The following SPOCK3 variants were observed in gnomAD, a reference collection of about 807,000 sequenced individuals.
The protein encoded by SPOCK3 is testican-3.
Under a neutral mutation model 56.6 loss-of-function variants are expected in SPOCK3, and 30 were observed. The observed-to-expected ratio is 0.53, with a 90% CI of 0.40 to 0.72. SPOCK3 has a LOEUF of 0.72. SPOCK3 is among the 30% of genes least tolerant of loss of function. The pLI, the probability that SPOCK3 is intolerant of heterozygous loss-of-function variation, is 0.00. For missense variants in SPOCK3, 527 were observed against 530.0 expected (o/e 0.99, Z 0.06); for synonymous variants, 196 against 183.3 (o/e 1.07, Z -0.56).
At chr4:166,988,647 G>T (rs1747432211) in intron 4 of SPOCK3, among the ~76,000 whole-genome samples, 1 of 152,038 alleles carries the variant, frequency 6.6e-6, no homozygotes, top group African/African-American at 2.4e-5. Context: ...ACTAATAATA[G>T]AATTCATAGG....
intron 2 of SPOCK3, among the ~76,000 whole-genome samples, chr4:167,207,679 C>A (rs1405103015): frequency 6.6e-6 from 1 of 151,978 alleles, no homozygotes; most frequent in African/African-American, 2.4e-5. Flanking sequence ...ATAGTTAATA[C>A]AAATGTAAAC....
intron 6 of SPOCK3, among the ~76,000 whole-genome samples, chr4:166,866,157 C>T (rs111321331): frequency 6.6e-6 from 1 of 152,032 alleles, no homozygotes; most frequent in Non-Finnish European, 1.5e-5. Flanking sequence ...CTTCAATAAA[C>T]CCTACAAAAA....
At chr4:167,137,720 G>A (rs1763235560) in intron 2 of SPOCK3, among the ~76,000 whole-genome samples, 1 of 151,728 alleles carries the variant, frequency 6.6e-6, no homozygotes, top group African/African-American at 2.4e-5. Flanking sequence ...AAAAAGGACA[G>A]GAGATAAAAG....
chr4:167,042,080 A>G, intron 3 of SPOCK3, among the ~76,000 whole-genome samples: 1 of 152,140 alleles, frequency 6.6e-6, no homozygotes, highest in East Asian at 1.9e-4. Flanking sequence ...AGATATATCA[A>G]GTGTAGCAAT....
At chr4:166,751,265 A>G (rs1736344582) in intron 8 of SPOCK3, among the ~76,000 whole-genome samples, 1 of 152,172 alleles carries the variant, frequency 6.6e-6, no homozygotes, top group Non-Finnish European at 1.5e-5. Flanking sequence ...CCCATGCACT[A>G]CACTTTGACA....
chr4:166,876,304 G>A (rs1443107883), intron 6 of SPOCK3, among the ~76,000 whole-genome samples: 1 of 152,070 alleles, frequency 6.6e-6, no homozygotes, highest in Non-Finnish European at 1.5e-5. Flanking sequence ...TGTGACTGGT[G>A]TTTTCTTACA....
At chr4:167,076,935 C>T (rs1202458953) in intron 2 of SPOCK3, among the ~76,000 whole-genome samples, 3 of 151,792 alleles carry the variant, frequency 2.0e-5, no homozygotes, top group Admixed American at 6.6e-5. Flanking sequence ...TATACGTTTA[C>T]TATAATTCAG....
chr4:167,234,833 A>G (rs561291400), upstream of SPOCK3: 1 of 152,862 alleles, frequency 6.5e-6, no homozygotes, highest in East Asian at 1.9e-4. Flanking sequence ...CATGTTCGCG[A>G]GACAGCCTGC....
chr4:167,173,421 C>T (rs1411894509), intron 2 of SPOCK3, among the ~76,000 whole-genome samples: 4 of 152,044 alleles, frequency 2.6e-5, no homozygotes, highest in Non-Finnish European at 5.9e-5. Context: ...TTTCCAACTA[C>T]TTGGTAAATT....
chr4:167,022,093 C>G (rs1751242379), intron 3 of SPOCK3, among the ~76,000 whole-genome samples: 1 of 151,882 alleles, frequency 6.6e-6, no homozygotes, highest in African/African-American at 2.4e-5. Flanking sequence ...GATACCCGAA[C>G]GTCATTTGGA....
At chr4:167,179,238 T>C (rs1731241526) in intron 2 of SPOCK3, among the ~76,000 whole-genome samples, 1 of 152,174 alleles carries the variant, frequency 6.6e-6, no homozygotes. Context: ...TCTTCCTTAT[T>C]GGCCAACGTA....
intron 4 of SPOCK3, among the ~76,000 whole-genome samples, chr4:166,959,263 G>T (rs114534200): frequency 6.6e-6 from 1 of 152,038 alleles, no homozygotes; most frequent in Admixed American, 6.6e-5. Flanking sequence ...TTTTTTCAAC[G>T]AATTAGTGCT....
At chr4:167,097,375 T>C (rs905257794) in intron 2 of SPOCK3, among the ~76,000 whole-genome samples, 2 of 151,852 alleles carry the variant, frequency 1.3e-5, no homozygotes, top group Admixed American at 1.3e-4. Context: ...ATCTTCATTT[T>C]TTTTTCTCTT....
Position 166,889,192 on chromosome 4 carries a change from C to T in SPOCK3, c.527G>A (p.Cys176Tyr). ...TGAAGGACATGGGCAATGTCCTTCACATTTGACTGAGATCTGTTTTCCTAA... is the reference window on the plus strand; with the variant it reads ...TGAAGGACATGGGCAATGTCCTTCATATTTGACTGAGATCTGTTTTCCTAA... ...CVLGKQISVK[C>Y]EGHCPCPSDK... The change falls in exon 6 of 11, where the codon TGT (cysteine) becomes TAT (tyrosine). Residue 176 changes from cysteine (C) to tyrosine (Y), a missense_variant. Physicochemically the swap from Cys to Tyr is radical, Grantham distance 194 (BLOSUM62 -2). Transcript: ENST00000357545. 1 of 1,612,102 alleles carries T rather than the reference C, an allele frequency of 6.2e-7. No individual in the cohort carries two copies. Among genetic ancestry groups the T allele is most frequent in the Non-Finnish European group, 8.5e-7 (1 of 1,178,834 alleles).
intron 6 of SPOCK3, among the ~76,000 whole-genome samples, chr4:166,869,481 A>G (rs1251502664): frequency 6.6e-6 from 1 of 152,148 alleles, no homozygotes; most frequent in Admixed American, 6.6e-5. Flanking sequence ...CAATATTTAT[A>G]TGAAAGAAAT....
At chr4:167,115,279 C>T (rs917348541) in intron 2 of SPOCK3, among the ~76,000 whole-genome samples, 1 of 150,844 alleles carries the variant, frequency 6.6e-6, no homozygotes, top group Non-Finnish European at 1.5e-5. Flanking sequence ...GCTGTATGTC[C>T]CGCAAAGTAA....
intron 6 of SPOCK3, among the ~76,000 whole-genome samples, chr4:166,843,184 C>A (rs7697008): frequency 0.085 from 12,913 of 152,224 alleles, 1,090 homozygotes; most frequent in African/African-American, 0.22. Flanking sequence ...CACACCCCCC[C>A]GCAAACAGAG....
intron 7 of SPOCK3, among the ~76,000 whole-genome samples, chr4:166,776,268 C>T (rs74558373): frequency 0.2 from 30,872 of 151,822 alleles, 3,725 homozygotes; most frequent in Non-Finnish European, 0.27. Flanking sequence ...CAAAAATTAG[C>T]TAAGTGTGGT....
intron 3 of SPOCK3, among the ~76,000 whole-genome samples, chr4:167,051,904 T>A (rs1335649008): frequency 6.6e-6 from 1 of 152,244 alleles, no homozygotes; most frequent in Non-Finnish European, 1.5e-5. Context: ...GAACACCTTC[T>A]AAATTAATTT....
Sources: allele counts gnomAD v4.1 joint callset (sites outside exome capture counted in the v4.1 genomes callset), GRCh38; gene constraint gnomAD v4.1.1; transcripts MANE v1.5; gene names NCBI Gene and HGNC (gene_info 2026-07-23, HGNC 2026-07-21).